Variants in TXNDC5 observed in about 807,000 individuals in gnomAD.
The protein encoded by TXNDC5 is thioredoxin domain containing 5.
TXNDC5 carries 44 observed loss-of-function variants against 52.6 expected under a neutral mutation model. The observed-to-expected ratio is 0.84, with a 90% CI of 0.66 to 1.08. The LOEUF (loss-of-function observed/expected upper bound fraction) is 1.08. Ranked by LOEUF, TXNDC5 falls within the 50% of genes least tolerant of loss-of-function variation. The pLI is 0.00. For missense variants in TXNDC5, 600 were observed against 565.5 expected, an observed-to-expected ratio of 1.06 and a Z score of -0.62; for synonymous variants, 241 against 234.4, an observed-to-expected ratio of 1.03 and a Z score of -0.26.
At chr6:7,901,230 A>T (rs1760556392) in intron 2 of TXNDC5, among the ~76,000 whole-genome samples, 1 of 152,186 alleles carries the variant, frequency 6.6e-6, no homozygotes, top group Non-Finnish European at 1.5e-5. Flanking sequence ...CATCTGCGGT[A>T]TCAAAGATGA....
chr6:7,902,639 C>T (rs2113362195), intron 2 of TXNDC5, among the ~76,000 whole-genome samples: 1 of 152,082 alleles, frequency 6.6e-6, no homozygotes, highest in East Asian at 1.9e-4. Flanking sequence ...GCACATTCCA[C>T]CTCCTGCATT....
chr6:7,883,840 C>A lies in TXNDC5; in HGVS notation c.1176+519G>T, dbSNP rs1759857533. Among the ~76,000 whole-genome samples, 3 of 152,186 alleles carry A rather than the reference C, an allele frequency of 2.0e-5. No homozygotes were observed. In the South Asian group the frequency reaches 6.2e-4, roughly 32 times the overall value. Reference sequence around the variant, plus strand: ...AAGAAGAAAAAAAATGACAAATCTTCCAGGCCATCAGACTGTGCTAACAGC... The same window carrying A: ...AAGAAGAAAAAAAATGACAAATCTTACAGGCCATCAGACTGTGCTAACAGC... On this transcript the variant is annotated intron_variant, in intron 9 of 9. Transcript: ENST00000379757.
At chr6:7,907,495 A>C (rs1760775927) in intron 1 of TXNDC5, among the ~76,000 whole-genome samples, 1 of 152,206 alleles carries the variant, frequency 6.6e-6, no homozygotes, top group South Asian at 2.1e-4. Flanking sequence ...GTTGGCAAAA[A>C]ATCTACAGCA....
intron 6 of TXNDC5, 157 bp from the exon 7 acceptor site, chr6:7,889,005 G>T: frequency 1.1e-6 from 1 of 949,772 alleles, no homozygotes; most frequent in Non-Finnish European, 1.5e-6. Flanking sequence ...AATGTAGAGA[G>T]GATAACTGAA....
intron 4 of TXNDC5, 38 bp downstream of exon 4, chr6:7,895,068 G>A: frequency 1.2e-6 from 2 of 1,603,406 alleles, no homozygotes; most frequent in Non-Finnish European, 8.5e-7. Context: ...AGGAATAATA[G>A]TGATTCTCTG....
intron 5 of TXNDC5, among the ~76,000 whole-genome samples, chr6:7,890,231 GCTTT>G (rs1255039318): frequency 6.6e-6 from 1 of 152,064 alleles, no homozygotes. Flanking sequence ...CTAAGTCATT[GCTTT>G]CTTTTTTATT....
chr6:7,899,295 T>C (rs1885464), intron 3 of TXNDC5, among the ~76,000 whole-genome samples: 79,970 of 152,074 alleles, frequency 0.53, 23,663 homozygotes, highest in African/African-American at 0.78. Flanking sequence ...CGCAGGGTGG[T>C]GGGGAAGACA....
intron 7 of TXNDC5, among the ~76,000 whole-genome samples, chr6:7,886,397 C>T (rs1346840732): frequency 2.0e-5 from 3 of 152,132 alleles, no homozygotes; most frequent in Non-Finnish European, 4.4e-5. Flanking sequence ...CCAGGCAGCC[C>T]TGGGTGTCTG....
intron 1 of TXNDC5, chr6:7,910,198 C>G: frequency 1.0e-6 from 1 of 964,738 alleles, no homozygotes; most frequent in Non-Finnish European, 1.2e-6. Context: ...GCTGAGCTCA[C>G]GCCTCCCGAC....
intron 4 of TXNDC5, among the ~76,000 whole-genome samples, chr6:7,894,266 C>CTT (rs58493259): frequency 7.0e-6 from 1 of 142,562 alleles, no homozygotes; most frequent in Non-Finnish European, 1.5e-5. Context: ...CATACCCAGC[C>CTT]TTTTTTTTTT....
At chr6:7,902,482 T>C (rs757937097) in intron 2 of TXNDC5, among the ~76,000 whole-genome samples, 16 of 152,160 alleles carry the variant, frequency 1.1e-4, no homozygotes, top group Non-Finnish European at 4.4e-5. Context: ...AAAGCTCATG[T>C]CCTGACACAT....
At position 7,882,938 on chromosome 6, in the gene TXNDC5, A is replaced by T; in HGVS notation, c.*206T>A. On this transcript the variant is annotated 3_prime_UTR_variant, in exon 10 of 10. Transcript: ENST00000379757. ...AATGTTTACACAGTGACCATGAGTT[A>T]CACATTTACTTAGAGAAACTTAACT... 1 of 590,088 alleles carries T rather than the reference A, an allele frequency of 1.7e-6. No homozygotes were observed. The highest frequency in any genetic ancestry group is 2.9e-6 in the Non-Finnish European group (1 of 350,568). 36.6% of individuals were successfully genotyped at this position (590,088 alleles called of 1,614,324 possible).
intron 8 of TXNDC5, among the ~76,000 whole-genome samples, chr6:7,884,802 G>A (rs1759904258): frequency 6.6e-6 from 1 of 152,222 alleles, no homozygotes; most frequent in Non-Finnish European, 1.5e-5. Context: ...TGAAAGCACA[G>A]GAGCAGAGGA....
At chr6:7,910,058 G>A (rs1431818802) in intron 1 of TXNDC5, 2 of 986,206 alleles carry the variant, frequency 2.0e-6, no homozygotes, top group East Asian at 1.1e-4. Flanking sequence ...CGGTGCCGAG[G>A]TGCAAGAGGC....
At chr6:7,907,678 C>T (rs540789807) in intron 1 of TXNDC5, among the ~76,000 whole-genome samples, 61 of 152,194 alleles carry the variant, frequency 4.0e-4, no homozygotes, top group South Asian at 1.0e-3. Context: ...TCTATCTGAG[C>T]TCCAAACGCT....
intron 1 of TXNDC5, among the ~76,000 whole-genome samples, chr6:7,909,468 G>A (rs1760839079): frequency 1.3e-5 from 2 of 152,246 alleles, no homozygotes. Context: ...TCTTCCGTGG[G>A]ATGAGTGCCA....
chr6:7,909,631 A>G (rs1021150778), intron 1 of TXNDC5, among the ~76,000 whole-genome samples: 3 of 152,294 alleles, frequency 2.0e-5, no homozygotes, highest in Admixed American at 6.5e-5. Flanking sequence ...AGGTGACAGG[A>G]CAGCCTGGAG....
chr6:7,891,598 G>T, intron 5 of TXNDC5, 23 bp downstream of exon 5: 2 of 1,599,890 alleles, frequency 1.3e-6, no homozygotes, highest in Non-Finnish European at 1.7e-6. Context: ...TCCATTTCCA[G>T]TTTAATAAGG....
intron 1 of TXNDC5, among the ~76,000 whole-genome samples, chr6:7,909,367 T>G (rs758205524): frequency 6.6e-6 from 1 of 151,494 alleles, no homozygotes; most frequent in Non-Finnish European, 1.5e-5. Flanking sequence ...AATTATGGCT[T>G]TCTGCTCTGG....
Sources: allele counts gnomAD v4.1 joint callset (sites outside exome capture counted in the v4.1 genomes callset), GRCh38; gene constraint gnomAD v4.1.1; transcripts MANE v1.5; gene names NCBI Gene and HGNC (gene_info 2026-07-23, HGNC 2026-07-21).